TENM4: variants seen among roughly 807,000 people sequenced by gnomAD.
TENM4 encodes the protein teneurin transmembrane protein 4.
TENM4 carries 82 observed loss-of-function variants against 243.3 expected under a neutral mutation model. The ratio of observed to expected loss-of-function variants is 0.34; its 90% CI spans 0.28 to 0.40. The LOEUF is 0.40. Among genes scored for constraint, TENM4 ranks in the 10% least tolerant of loss-of-function variants. TENM4 has a pLI of 1.00. For missense variants in TENM4, 3,138 were observed against 3,673.3 expected, an observed-to-expected ratio of 0.85 and a Z score of 3.77; for synonymous variants, 1,412 against 1,456.3, an observed-to-expected ratio of 0.97 and a Z score of 0.69.
intron 1 of TENM4, among the ~76,000 whole-genome samples, chr11:79,299,087 T>C (rs7943775): frequency 0.039 from 5,522 of 141,392 alleles, 310 homozygotes; most frequent in African/African-American, 0.13. Context: ...CACACACACA[T>C]ACACACACAC....
At chr11:79,234,782 T>G (rs1236992357) in intron 2 of TENM4, among the ~76,000 whole-genome samples, 1 of 152,160 alleles carries the variant, frequency 6.6e-6, no homozygotes, top group Admixed American at 6.5e-5. Context: ...CGCTAGTGCT[T>G]CCCTTAGGAA....
chr11:79,183,535 T>TG (rs1863324518), intron 3 of TENM4, among the ~76,000 whole-genome samples: 2 of 152,166 alleles, frequency 1.3e-5, no homozygotes, highest in African/African-American at 4.8e-5. Flanking sequence ...AACACCAATG[T>TG]GAGCTATGGA....
chr11:78,820,294 G>T (rs530142331), intron 12 of TENM4, among the ~76,000 whole-genome samples: 1 of 152,168 alleles, frequency 6.6e-6, no homozygotes, highest in African/African-American at 2.4e-5. Context: ...GAGAATGGGA[G>T]ATGAAGTCAC....
chr11:79,366,225 G>A (rs752647240), intron 1 of TENM4, among the ~76,000 whole-genome samples: 4 of 152,206 alleles, frequency 2.6e-5, no homozygotes, highest in African/African-American at 7.2e-5. Context: ...CAGCATTAGC[G>A]GAGGTGCAGA....
chr11:78,959,632 C>A (rs1216830159), intron 6 of TENM4, among the ~76,000 whole-genome samples: 1 of 152,114 alleles, frequency 6.6e-6, no homozygotes, highest in African/African-American at 2.4e-5. Flanking sequence ...ATGCTTATTA[C>A]CAACTTTTAG....
intron 2 of TENM4, among the ~76,000 whole-genome samples, chr11:79,281,371 T>C (rs931361109): frequency 6.6e-6 from 1 of 152,178 alleles, no homozygotes; most frequent in African/African-American, 2.4e-5. Context: ...GCTCCCAACA[T>C]TGATAGTCTT....
chr11:78,738,678 C>T (rs1475462002), intron 19 of TENM4, 108 bp from the exon 20 acceptor site: 21 of 1,149,140 alleles, frequency 1.8e-5, no homozygotes, highest in Non-Finnish European at 2.4e-5. Context: ...CACTCAGACA[C>T]ATCTTGTACC....
intron 3 of TENM4, among the ~76,000 whole-genome samples, chr11:79,186,395 A>G (rs987305581): frequency 6.6e-6 from 1 of 152,206 alleles, no homozygotes; most frequent in African/African-American, 2.4e-5. Context: ...CTGTTGTACC[A>G]GGCACTACAG....
chr11:78,988,285 C>G (rs967241968), intron 6 of TENM4, among the ~76,000 whole-genome samples: 1 of 152,196 alleles, frequency 6.6e-6, no homozygotes, highest in Non-Finnish European at 1.5e-5. Context: ...TGTGAGTGAG[C>G]TACCTTAGTG....
intron 20 of TENM4, 125 bp from the exon 21 acceptor site, chr11:78,732,702 G>T (rs1240899484): frequency 2.7e-6 from 3 of 1,125,852 alleles, no homozygotes; most frequent in Non-Finnish European, 3.6e-6. Context: ...CTTGAGGGAG[G>T]CTCTAATGCC....
Position 78,655,146 on chromosome 11 carries a change from G to C in TENM4, c.*2912C>G, listed in dbSNP as rs1857860760. ...GACTGCTGGTCTTAGCAGGAGGACA[G>C]CTTGAGGAGGGAGTCACTGAGTCAC... is the stretch of plus-strand genomic sequence containing the variant. On this transcript the variant is annotated 3_prime_UTR_variant, in exon 34 of 34. Coordinates refer to ENST00000278550, the MANE Select transcript of TENM4 (RefSeq NM_001098816.3). 1 of 152,366 alleles carries C rather than the reference G, an allele frequency of 6.6e-6. No homozygotes were observed. The highest frequency in any genetic ancestry group is 1.5e-5 in the Non-Finnish European group (1 of 68,182). The allele number at this position is 152,366 out of a possible 1,614,324, so 9.4% of individuals were successfully genotyped here. A position where few individuals can be genotyped will look rare whatever the true frequency, so the allele number is the denominator to read the frequency against.
intron 1 of TENM4, among the ~76,000 whole-genome samples, chr11:79,332,913 C>T (rs1319788215): frequency 2.0e-5 from 3 of 152,048 alleles, no homozygotes; most frequent in Non-Finnish European, 2.9e-5. Flanking sequence ...AACTTCAACC[C>T]GCCTGTCTCA....
intron 2 of TENM4, among the ~76,000 whole-genome samples, chr11:79,285,625 A>G (rs1313550279): frequency 6.6e-6 from 1 of 152,130 alleles, no homozygotes; most frequent in Non-Finnish European, 1.5e-5. Context: ...CAACTGATAA[A>G]TGGATAAACA....
At chr11:78,812,882 C>T (rs1857528687) in intron 13 of TENM4, among the ~76,000 whole-genome samples, 1 of 152,124 alleles carries the variant, frequency 6.6e-6, no homozygotes, top group African/African-American at 2.4e-5. Flanking sequence ...TTTCATTCTG[C>T]CTCTTAGAGT....
chr11:79,037,015 C>CAAAAAAAAAAAAAA (rs369421583), intron 6 of TENM4, among the ~76,000 whole-genome samples: 1 of 91,086 alleles, frequency 1.1e-5, no homozygotes, highest in African/African-American at 3.7e-5. Flanking sequence ...GACTCCATCT[C>CAAAAAAAAAAAAAA]AAAAAAAAAA....
At chr11:79,231,291 GA>G (rs996497264) in intron 2 of TENM4, among the ~76,000 whole-genome samples, 67 of 152,154 alleles carry the variant, frequency 4.4e-4, no homozygotes, top group African/African-American at 1.6e-3. Flanking sequence ...TATGTTAAGT[GA>G]ATGCACACAT....
chr11:79,327,787 C>G (rs1410477558), intron 1 of TENM4, among the ~76,000 whole-genome samples: 2 of 151,824 alleles, frequency 1.3e-5, no homozygotes, highest in East Asian at 3.9e-4. Flanking sequence ...ACCTCAGAGT[C>G]CTCTGTGGGT....
intron 15 of TENM4, among the ~76,000 whole-genome samples, chr11:78,788,331 T>C (rs1341307141): frequency 6.6e-6 from 1 of 152,268 alleles, no homozygotes; most frequent in Admixed American, 6.5e-5. Context: ...CCAGACATCC[T>C]GCCAAGCACA....
intron 30 of TENM4, among the ~76,000 whole-genome samples, chr11:78,675,271 T>A (rs924659146): frequency 1.3e-5 from 2 of 148,508 alleles, no homozygotes; most frequent in Non-Finnish European, 3.1e-5. Context: ...TTCAGTGAAC[T>A]TTCTTTGCTG....
Sources: gnomAD v4.1 joint callset for allele counts (sites outside exome capture counted in the v4.1 genomes callset) on GRCh38, gnomAD v4.1.1 for gene constraint, MANE v1.5 for transcripts, NCBI Gene and HGNC (gene_info 2026-07-23, HGNC 2026-07-21) for gene names.